Variants in FOXN3 observed in about 807,000 individuals in gnomAD.
FOXN3 encodes the protein forkhead box N3, also known as forkhead box protein N3.
Under a neutral mutation model 38.4 loss-of-function variants are expected in FOXN3, and 7 were observed. The ratio of observed to expected loss-of-function variants is 0.18; its 90% confidence interval spans 0.10 to 0.34. The LOEUF (loss-of-function observed/expected upper bound fraction) is 0.34. Among genes scored for constraint, FOXN3 ranks in the 10% least tolerant of loss-of-function variants. The pLI is 1.00. For missense variants in FOXN3, 456 were observed against 613.4 expected (o/e 0.74, Z 2.71); for synonymous variants, 230 against 242.2 (o/e 0.95, Z 0.47).
At chr14:89,505,326 C>T (rs1423604092) in intron 1 of FOXN3, among the ~76,000 whole-genome samples, 2 of 149,900 alleles carry the variant, frequency 1.3e-5, no homozygotes, top group East Asian at 2.0e-4. Flanking sequence ...TGATGCCGAG[C>T]CGAGGCTGGA....
chr14:89,226,815 G>A (rs566275328), intron 4 of FOXN3, among the ~76,000 whole-genome samples: 4 of 152,256 alleles, frequency 2.6e-5, no homozygotes, highest in African/African-American at 7.2e-5. Flanking sequence ...ACAGAAACAC[G>A]AGGAAAACAC....
chr14:89,288,722 CTCTATATATATATATATATATATATATA>C (rs1886755120), intron 3 of FOXN3, among the ~76,000 whole-genome samples: 17 of 28,880 alleles, frequency 5.9e-4, no homozygotes, highest in Non-Finnish European at 8.2e-4. Flanking sequence ...CTCTCTCTCT[CTCTATATATATATATATATATATATATA>C]TATATATATA....
intron 2 of FOXN3, chr14:89,351,087 C>T (rs1190996921): frequency 1.7e-5 from 4 of 232,390 alleles, no homozygotes; most frequent in Non-Finnish European, 3.3e-5. Context: ...AAATGAGAAT[C>T]TCATTGTTTT....
chr14:89,409,851 C>A (rs986899877), intron 2 of FOXN3, among the ~76,000 whole-genome samples: 2 of 152,138 alleles, frequency 1.3e-5, no homozygotes, highest in African/African-American at 4.8e-5. Context: ...TCTCCAAATG[C>A]CCAACCTGAG....
chr14:89,411,711 A>T (rs1394557310), intron 2 of FOXN3, among the ~76,000 whole-genome samples: 1 of 152,172 alleles, frequency 6.6e-6, no homozygotes, highest in Non-Finnish European at 1.5e-5. Context: ...TGGAAACCCT[A>T]TCAGTGGGAA....
chr14:89,369,385 T>C (rs1566970356), intron 2 of FOXN3, among the ~76,000 whole-genome samples: 1 of 152,172 alleles, frequency 6.6e-6, no homozygotes, highest in Non-Finnish European at 1.5e-5. Flanking sequence ...CAACCGACCA[T>C]GTGCCAAGCA....
intron 1 of FOXN3, among the ~76,000 whole-genome samples, chr14:89,510,126 A>G (rs1157327471): frequency 1.3e-5 from 2 of 152,148 alleles, no homozygotes; most frequent in African/African-American, 4.8e-5. Context: ...AAGATTAGAG[A>G]AAAGCAGGAG....
At position 89,248,336 on chromosome 14, in the gene FOXN3, T is replaced by G. The variant is rs540148429; in HGVS notation, c.745+32614A>C. 3.3e-5 allele frequency among the ~76,000 whole-genome samples: 5 copies of G among 152,364 alleles called. No homozygotes were observed. The South Asian group carries it at 1.0e-3, about 32-fold the overall frequency. On this transcript the variant is annotated intron_variant, in intron 4 of 5. Transcript: ENST00000557258. ...AGTTTTAGTTCCACCTTCCATACTT[T>G]TGCATCTTAGTATTGTCTCACTTTC...
At chr14:89,223,496 C>T (rs1271170834) in intron 4 of FOXN3, among the ~76,000 whole-genome samples, 3 of 152,192 alleles carry the variant, frequency 2.0e-5, no homozygotes, top group South Asian at 4.1e-4. Context: ...TTCCTCAGGG[C>T]GAAGAAGAAT....
chr14:89,413,894 G>A (rs1891616470), intron 1 of FOXN3, among the ~76,000 whole-genome samples: 1 of 144,754 alleles, frequency 6.9e-6, no homozygotes, highest in African/African-American at 2.6e-5. Flanking sequence ...GGAAGGGCAG[G>A]GCAGGGCAGG....
At chr14:89,432,572 A>C (rs1013517340) in intron 1 of FOXN3, among the ~76,000 whole-genome samples, 4 of 152,200 alleles carry the variant, frequency 2.6e-5, no homozygotes, top group Non-Finnish European at 4.4e-5. Context: ...CAAGGCTTCA[A>C]GAAGCTCACT....
At chr14:89,296,689 G>A (rs1392803902) in intron 3 of FOXN3, among the ~76,000 whole-genome samples, 3 of 152,218 alleles carry the variant, frequency 2.0e-5, no homozygotes, top group Non-Finnish European at 2.9e-5. Flanking sequence ...AGGCTGGAGC[G>A]CAATGGCACG....
intron 1 of FOXN3, among the ~76,000 whole-genome samples, chr14:89,452,353 G>A (rs941406835): frequency 2.0e-5 from 3 of 152,176 alleles, no homozygotes; most frequent in Non-Finnish European, 2.9e-5. Context: ...GCTGCTGTGG[G>A]AAGGTTCCCT....
At chr14:89,371,936 G>T (rs577738085) in intron 2 of FOXN3, among the ~76,000 whole-genome samples, 2 of 152,082 alleles carry the variant, frequency 1.3e-5, no homozygotes, top group South Asian at 4.2e-4. Flanking sequence ...AAGTTCCCTG[G>T]GGGTAGCCTG....
At chr14:89,381,566 G>C (rs1430054965) in intron 2 of FOXN3, among the ~76,000 whole-genome samples, 1 of 142,074 alleles carries the variant, frequency 7.0e-6, no homozygotes, top group Admixed American at 7.3e-5. Flanking sequence ...GTTTGCTTAA[G>C]TGAAGGTACA....
At chr14:89,405,907 G>GA (rs1434095613) in intron 2 of FOXN3, among the ~76,000 whole-genome samples, 1 of 152,106 alleles carries the variant, frequency 6.6e-6, no homozygotes, top group Non-Finnish European at 1.5e-5. Context: ...GAATTGGAGG[G>GA]AATCGGGCCA....
At chr14:89,547,424 G>GTTTT (rs969390631) in intron 1 of FOXN3, among the ~76,000 whole-genome samples, 3 of 151,488 alleles carry the variant, frequency 2.0e-5, no homozygotes, top group Non-Finnish European at 4.4e-5. Context: ...GTGGCTAATT[G>GTTTT]TTTTTTTGTT....
At chr14:89,277,514 G>A (rs946365006) in intron 4 of FOXN3, among the ~76,000 whole-genome samples, 17 of 152,158 alleles carry the variant, frequency 1.1e-4, no homozygotes, top group Middle Eastern at 3.2e-3. Context: ...ACCCATGCCT[G>A]GTGTAATCCA....
rs543852699 is a variant in FOXN3, at chr14:89,423,576, GA to G, written c.-14-11087del. Among the ~76,000 whole-genome samples the G allele has an allele frequency of 1.8e-4, 27 of 151,772 alleles. 1 individual carries two copies. The East Asian group carries it at 4.6e-3, about 26-fold the overall frequency. On this transcript the variant is annotated intron_variant, in intron 1 of 6. Coordinates refer to the FOXN3 transcript ENST00000345097. ...ATTTATAAATCTTACAACTCAATGAGAAAAAAATTATCACTCTAATAAGAAA... is the reference window on the plus strand; with the variant it reads ...ATTTATAAATCTTACAACTCAATGAGAAAAAATTATCACTCTAATAAGAAA...
Sources: allele counts gnomAD v4.1 joint callset (sites outside exome capture counted in the v4.1 genomes callset), GRCh38; gene constraint gnomAD v4.1.1; transcripts MANE v1.5; gene names NCBI Gene and HGNC (gene_info 2026-07-23, HGNC 2026-07-21).